IPO5: variants seen among roughly 807,000 people sequenced by gnomAD.
IPO5 encodes importin 5.
IPO5 carries 18 observed loss-of-function variants against 143.3 expected under a neutral mutation model. The observed-to-expected ratio is 0.13, with a 90% CI of 0.09 to 0.19. The LOEUF (loss-of-function observed/expected upper bound fraction) is 0.19. Among genes scored for constraint, IPO5 ranks in the 10% least tolerant of loss-of-function variants. IPO5 has a pLI of 1.00. For missense variants in IPO5, 1,013 were observed against 1,336.9 expected (o/e 0.76, Z 3.78); for synonymous variants, 477 against 465.7 (o/e 1.02, Z -0.31).
chr13:97,982,522 C>A lies in IPO5; in HGVS notation c.110C>A (p.Pro37Gln). 1 of 1,612,532 alleles carries A rather than the reference C, an allele frequency of 6.2e-7. No individual in the cohort carries two copies. Among genetic ancestry groups the A allele is most frequent in the Non-Finnish European group, 8.5e-7 (1 of 1,178,898 alleles). ...ATGCAGGAAACCTATGAGAATATCCCAGGCCAGTCAAAGATCACATTCCTC... is the reference window on the plus strand; with the variant it reads ...ATGCAGGAAACCTATGAGAATATCCAAGGCCAGTCAAAGATCACATTCCTC... ...KQAEETYENI[P>Q]GQSKITFLLQ... is the part of the protein sequence containing the mutation. Residue 37 changes from proline (P) to glutamine (Q), a missense_variant, in exon 5 of 29, where the codon CCA becomes CAA. This residue lies in a region of IPO5 where 328 missense variants were observed against 342.0 expected (regional missense o/e 0.96). Transcript: ENST00000651721.
At chr13:98,014,278 A>G in intron 22 of IPO5, 64 bp downstream of exon 22, 1 of 1,295,518 alleles carries the variant, frequency 7.7e-7, no homozygotes. Flanking sequence ...TCTTGCTAAA[A>G]GTAAAAAAAA....
chr13:98,016,088 G>A (rs1387916557), intron 24 of IPO5, among the ~76,000 whole-genome samples: 1 of 152,176 alleles, frequency 6.6e-6, no homozygotes, highest in Non-Finnish European at 1.5e-5. Context: ...CTATATTAAA[G>A]ATGAGTAACC....
At chr13:97,977,230 C>T (rs901671804) in intron 4 of IPO5, among the ~76,000 whole-genome samples, 11 of 152,174 alleles carry the variant, frequency 7.2e-5, no homozygotes, top group African/African-American at 2.7e-4. Context: ...GCTACCTGAC[C>T]CGTCACGCCT....
At chr13:97,994,873 T>G (rs997868659) in intron 11 of IPO5, among the ~76,000 whole-genome samples, 20 of 152,124 alleles carry the variant, frequency 1.3e-4, no homozygotes, top group Admixed American at 1.2e-3. Context: ...GGCCTGTAAT[T>G]CCAGCAATTT....
chr13:98,005,742 C>T (rs1054417247), intron 16 of IPO5, among the ~76,000 whole-genome samples: 3 of 151,776 alleles, frequency 2.0e-5, no homozygotes, highest in Non-Finnish European at 2.9e-5. Flanking sequence ...TTCTTTATGA[C>T]GTAGTAAGAC....
intron 9 of IPO5, among the ~76,000 whole-genome samples, chr13:97,991,219 G>A (rs1169422108): frequency 6.6e-6 from 1 of 151,920 alleles, no homozygotes; most frequent in Non-Finnish European, 1.5e-5. Context: ...TAATTTTTTA[G>A]AATATTAATA....
rs1185360753 is a variant in IPO5, at chr13:98,004,590, T to G, written c.1498-1540T>G. On this transcript the variant is annotated intron_variant, in intron 16 of 28. Transcript: ENST00000651721. ...GTTTTTAAAGATAAGTGGAAGGAGTTGTTGGGATGGGATGGTAGGAGGACA... is the reference window on the plus strand; with the variant it reads ...GTTTTTAAAGATAAGTGGAAGGAGTGGTTGGGATGGGATGGTAGGAGGACA... Among the ~76,000 whole-genome samples, 13 of 152,150 alleles carry G rather than the reference T, an allele frequency of 8.5e-5. No homozygotes were observed. In the East Asian group the frequency reaches 2.5e-3, roughly 29 times the overall value.
At position 98,022,327 on chromosome 13, in the gene IPO5, G is replaced by A. The variant is rs1290413532; in HGVS notation, c.*505G>A. The A allele has an allele frequency of 6.6e-6, 1 of 152,522 alleles. No individual in the cohort carries two copies. Among genetic ancestry groups the A allele is most frequent in the Non-Finnish European group, 1.5e-5 (1 of 68,072 alleles). The allele number at this position is 152,522 out of a possible 1,614,324, so 9.4% of individuals were successfully genotyped here. ...GATGACAGACAACAAGCATGAAGAT[G>A]GCATATTTGATGTCACTTTGGTTCT... On this transcript the variant is annotated 3_prime_UTR_variant, in exon 29 of 29. Transcript: ENST00000651721.
chr13:98,012,494 A>G, intron 21 of IPO5, 152 bp downstream of exon 21: 1 of 591,572 alleles, frequency 1.7e-6, no homozygotes, highest in Non-Finnish European at 3.0e-6. Context: ...GGTTCTCTGC[A>G]TGTGCCTTTG....
chr13:97,986,639 T>C (rs1262018547), intron 6 of IPO5, among the ~76,000 whole-genome samples: 1 of 152,178 alleles, frequency 6.6e-6, no homozygotes, highest in Admixed American at 6.5e-5. Context: ...CATGAGCCAC[T>C]GCGCCTGGCC....
At chr13:97,990,023 T>C (rs1294433177) in intron 7 of IPO5, 103 bp from the exon 8 acceptor site, 1 of 714,810 alleles carries the variant, frequency 1.4e-6, no homozygotes, top group Non-Finnish European at 2.4e-6. Flanking sequence ...GATTAATGCG[T>C]ACTGAGTCAG....
intron 11 of IPO5, among the ~76,000 whole-genome samples, chr13:97,993,800 A>G (rs919262360): frequency 6.6e-6 from 1 of 152,286 alleles, no homozygotes; most frequent in Admixed American, 6.5e-5. Flanking sequence ...TTAATGAGCT[A>G]ATGAGTACTT....
Position 98,024,081 on chromosome 13 carries a change from T to G in IPO5, c.*2259T>G, listed in dbSNP as rs1410324790. Reference sequence around the variant, plus strand: ...GGAAAAATGTGTGTGGCTCTTACGTTTTCTGGGAATTTTGTAACAAGTTAC... The same window carrying G: ...GGAAAAATGTGTGTGGCTCTTACGTGTTCTGGGAATTTTGTAACAAGTTAC... On this transcript the variant is annotated 3_prime_UTR_variant, in exon 29 of 29. Coordinates refer to ENST00000651721, the MANE Select transcript of IPO5 (RefSeq NM_002271.6). 6.6e-6 allele frequency: 1 copy of G among 152,184 alleles called. No individual in the cohort carries two copies. The highest frequency in any genetic ancestry group is 2.4e-5 in the African/African-American group (1 of 41,444). 9.4% of individuals were successfully genotyped at this position (152,184 alleles called of 1,614,324 possible). A position where few individuals can be genotyped will look rare whatever the true frequency, so the allele number is the denominator to read the frequency against.
chr13:98,021,302 T>A, intron 28 of IPO5, 169 bp downstream of exon 28: 1 of 490,706 alleles, frequency 2.0e-6, no homozygotes, highest in Non-Finnish European at 3.4e-6. Context: ...AATCCATCCG[T>A]ATGTACTTAT....
chr13:97,962,689 C>G (rs1345423304), intron 2 of IPO5, among the ~76,000 whole-genome samples: 2 of 151,892 alleles, frequency 1.3e-5, no homozygotes, highest in African/African-American at 4.8e-5. Context: ...TATGGTGAGG[C>G]ACATCCGTAG....
Position 97,990,216 on chromosome 13 carries a change from C to G in IPO5, c.558C>G (p.His186Gln), listed in dbSNP as rs755781654. The change falls in exon 8 of 29, where the codon CAC becomes CAG. Residue 186 changes from histidine (H) to glutamine (Q), a missense_variant. Around this residue, in one of 2 missense-constraint regions of IPO5, gnomAD observed 328 missense variants for 342.0 expected, o/e 0.96. Coordinates refer to ENST00000651721, the MANE Select transcript of IPO5 (RefSeq NM_002271.6). Reference protein sequence around the residue: ...MLVQCMQDQEHPSIRTLSARA... With the variant: ...MLVQCMQDQEQPSIRTLSARA... The stretch of plus-strand genomic sequence containing the variant: ...TTCAGTGTATGCAAGATCAGGAACA[C>G]CCGTCGGTAAATAATTTCAATCCTA... 6.3e-7 allele frequency: 1 copy of G among 1,592,326 alleles called. No homozygotes were observed. Among genetic ancestry groups the G allele is most frequent in the South Asian group, 1.1e-5 (1 of 90,050 alleles).
Position 97,993,170 on chromosome 13 carries a change from C to T in IPO5, c.858C>T (p.Leu286=), listed in dbSNP as rs772717463. The T allele has an allele frequency of 6.2e-7, 1 of 1,613,762 alleles. No homozygotes were observed. The highest frequency in any genetic ancestry group is 8.5e-7 in the Non-Finnish European group (1 of 1,179,782). ...TTGCCCTTGAAGTGATCGTCACCCT[C>T]TCTGAGACTGCAGCTGCTATGTTAA... ...RQLALEVIVT[L]SETAAAMLRK... is the part of the protein sequence containing the mutation. Residue 286 remains leucine (L), a synonymous_variant, in exon 11 of 29, where the codon CTC becomes CTT. Coordinates refer to ENST00000651721, the MANE Select transcript of IPO5 (RefSeq NM_002271.6).
chr13:98,002,638 T>C (rs541448925), intron 14 of IPO5, 46 bp from the exon 15 acceptor site: 2 of 1,607,908 alleles, frequency 1.2e-6, no homozygotes, highest in African/African-American at 2.7e-5. Flanking sequence ...TGTAGCTTCA[T>C]GTGGAAACCT....
intron 27 of IPO5, 74 bp downstream of exon 27, chr13:98,019,883 CT>C (rs1303462970): frequency 4.2e-6 from 4 of 962,982 alleles, no homozygotes; most frequent in East Asian, 2.4e-5. Context: ...TAACATCAGT[CT>C]TTTAAGGTTT....
Sources: allele counts gnomAD v4.1 joint callset (sites outside exome capture counted in the v4.1 genomes callset), GRCh38; gene constraint gnomAD v4.1.1; regional missense constraint gnomAD v4.1.1; transcripts MANE v1.5; gene names NCBI Gene and HGNC (gene_info 2026-07-23, HGNC 2026-07-21).